The following OSBPL5 variants were observed in gnomAD, a reference collection of about 807,000 sequenced individuals.
The protein encoded by OSBPL5 is oxysterol-binding protein-related protein 5.
Under a neutral mutation model 111.2 loss-of-function variants are expected in OSBPL5, and 71 were observed. That is an observed-to-expected ratio of 0.64 (90% CI 0.53 to 0.78). OSBPL5 has a LOEUF of 0.78. OSBPL5 is among the 30% of genes least tolerant of loss of function. The pLI is 0.00. For synonymous variants in OSBPL5, 549 were observed against 513.9 expected, an observed-to-expected ratio of 1.07 and a Z score of -0.93; for missense variants, 1,210 against 1,189.3, an observed-to-expected ratio of 1.02 and a Z score of -0.26.
chr11:3,139,871 C>T (rs1281640717), intron 1 of OSBPL5, among the ~76,000 whole-genome samples: 3 of 152,222 alleles, frequency 2.0e-5, no homozygotes, highest in African/African-American at 2.4e-5. Flanking sequence ...TGCGTTTACT[C>T]GCAGAGGCTG....
chr11:3,088,185 G>A lies in OSBPL5; in HGVS notation c.*20C>T, dbSNP rs767870881. On this transcript the variant is annotated 3_prime_UTR_variant, in exon 22 of 22. Coordinates refer to ENST00000263650, the MANE Select transcript of OSBPL5 (RefSeq NM_020896.4). ...GGAGGGAGGGCTCAGGACCGGCCAG[G>A]AGCTCTGCCCTCAGGGCTCCTATTT... 6.4e-7 allele frequency: 1 copy of A among 1,553,536 alleles called. No individual in the cohort carries two copies. Among genetic ancestry groups the A allele is most frequent in the Non-Finnish European group, 8.7e-7 (1 of 1,146,946 alleles).
rs765377864 is a variant in OSBPL5 at position 3,107,462 on chromosome 11, G to A, written c.867-7C>T. ...CAGGGAAGACCCGTTCAGTCTGGAA[G>A]GTGGATGGTGCCAGTGGGTCCCTGT... On this transcript the variant is annotated splice_region_variant and splice_polypyrimidine_tract_variant and intron_variant, in intron 8 of 21. Transcript: ENST00000263650. This position sits in a 1 kb window ranked among gnomAD's most constrained non-coding sequence, Gnocchi z 6.1. 5.0e-6 allele frequency: 8 copies of A among 1,613,838 alleles called. No individual in the cohort carries two copies. The highest frequency in any genetic ancestry group is 6.8e-6 in the Non-Finnish European group (8 of 1,179,856).
intron 14 of OSBPL5, among the ~76,000 whole-genome samples, chr11:3,098,597 C>T (rs148200198): frequency 3.4e-4 from 51 of 149,224 alleles, no homozygotes; most frequent in Admixed American, 1.8e-3. Context: ...CCTTCAACTC[C>T]CGGGTTCAAG....
At chr11:3,116,650 T>C (rs1369538505) in intron 7 of OSBPL5, among the ~76,000 whole-genome samples, 2 of 151,868 alleles carry the variant, frequency 1.3e-5, no homozygotes, top group African/African-American at 4.8e-5. Flanking sequence ...AGGTCAGGAG[T>C]TCGAGACCAG....
intron 21 of OSBPL5, 120 bp downstream of exon 21, chr11:3,089,726 C>T (rs895564): frequency 0.46 from 405,964 of 878,068 alleles, 98,782 homozygotes; most frequent in East Asian, 0.78. Context: ...CTTGTGGGTT[C>T]CAGCTCCGAT....
chr11:3,155,599 C>A (rs1236808935), intron 1 of OSBPL5, among the ~76,000 whole-genome samples: 1 of 149,510 alleles, frequency 6.7e-6, no homozygotes, highest in African/African-American at 2.5e-5. Context: ...TCACTCCCCC[C>A]AGCTTTGCCA....
chr11:3,102,140 T>C (rs1400744819), intron 12 of OSBPL5, 43 bp downstream of exon 12: 4 of 1,383,914 alleles, frequency 2.9e-6, no homozygotes, highest in East Asian at 2.7e-5. Context: ...CCCCGCCCCA[T>C]AGAGCCCAGC....
At position 3,100,262 on chromosome 11, in the gene OSBPL5, G is replaced by C; in HGVS notation, c.1523-6C>G. On this transcript the variant is annotated splice_region_variant and splice_polypyrimidine_tract_variant and intron_variant, in intron 13 of 21. Transcript: ENST00000263650. ...CAGCGCCGACAGCGAGTTCCCTGCA[G>C]AGACAAGAGACAGCAGGACCAGTGA... 1.9e-6 allele frequency: 3 copies of C among 1,613,590 alleles called. No individual in the cohort carries two copies. The highest frequency in any genetic ancestry group is 2.5e-6 in the Non-Finnish European group (3 of 1,179,756).
Position 3,092,359 on chromosome 11 carries a change from T to G in OSBPL5, c.2259+73A>C. On this transcript the variant is annotated intron_variant, in intron 19 of 21. Transcript: ENST00000263650. This position sits in a 1 kb window ranked among gnomAD's most constrained non-coding sequence, Gnocchi z 5.4. ...GAGCGAGGGGAAGGGAGGAGTGAGG[T>G]GAGGAGCGAGGGGTGGTGGTGGCCA... 1 of 1,470,224 alleles carries G rather than the reference T, an allele frequency of 6.8e-7. No homozygotes were observed. Among genetic ancestry groups the G allele is most frequent in the Non-Finnish European group, 9.0e-7 (1 of 1,105,340 alleles). 91.1% of individuals were successfully genotyped at this position (1,470,224 alleles called of 1,614,324 possible). A position where few individuals can be genotyped will look rare whatever the true frequency, so the allele number is the denominator to read the frequency against.
In OSBPL5 at chr11:3,104,469, A is replaced by C. The variant is rs1590653684; in HGVS notation, c.1060-92T>G. ...GGCAGCTCTGGCTGGAGGAGGCTGTACCTGCCACCCCTTAGGGTGTAAACC... is the reference window on the plus strand; with the variant it reads ...GGCAGCTCTGGCTGGAGGAGGCTGTCCCTGCCACCCCTTAGGGTGTAAACC... On this transcript the variant is annotated intron_variant, in intron 9 of 21. Coordinates refer to ENST00000263650, the MANE Select transcript of OSBPL5 (RefSeq NM_020896.4). This position sits in a 1 kb window ranked among gnomAD's most constrained non-coding sequence, Gnocchi z 5.0. 5.7e-6 allele frequency: 8 copies of C among 1,401,606 alleles called. No homozygotes were observed. The highest frequency in any genetic ancestry group is 1.9e-6 in the Non-Finnish European group (2 of 1,037,194). The allele number at this position is 1,401,606 out of a possible 1,614,324, so 86.8% of individuals were successfully genotyped here. A position where few individuals can be genotyped will look rare whatever the true frequency, so the allele number is the denominator to read the frequency against.
intron 14 of OSBPL5, among the ~76,000 whole-genome samples, chr11:3,097,041 A>G (rs907193192): frequency 3.2e-3 from 3 of 942 alleles, no homozygotes; most frequent in Non-Finnish European, 7.9e-3. Context: ...GGAAAGAGGG[A>G]AGACAGGAGA....
intron 10 of OSBPL5, among the ~76,000 whole-genome samples, chr11:3,103,883 G>GT (rs1857599474): frequency 1.9e-5 from 1 of 53,802 alleles, no homozygotes; most frequent in Non-Finnish European, 3.6e-5. Flanking sequence ...TGCCTCTGTA[G>GT]CCCCATTCCT....
In OSBPL5 at chr11:3,094,187, G is replaced by C. The variant is rs199806320; in HGVS notation, c.1719+50C>G. 3.3e-5 allele frequency: 52 copies of C among 1,557,548 alleles called. 1 individual carries two copies. The South Asian group carries it at 4.6e-4, about 14-fold the overall frequency. ...GGAGAGTGTGAGGGGGATCCCCAAGGCTTCGTTCCTTCCCTGGCCTCGTCT... is the reference window on the plus strand; with the variant it reads ...GGAGAGTGTGAGGGGGATCCCCAAGCCTTCGTTCCTTCCCTGGCCTCGTCT... On this transcript the variant is annotated intron_variant, in intron 15 of 21. Transcript: ENST00000263650.
chr11:3,103,725 T>A (rs9735882), intron 10 of OSBPL5, among the ~76,000 whole-genome samples: 24,839 of 61,432 alleles, frequency 0.4, 3,892 homozygotes, highest in Non-Finnish European at 0.45. Context: ...CAGGCTCTGC[T>A]GCCCCTTCCT....
At chr11:3,103,776 CCT>C (rs1564830056) in intron 10 of OSBPL5, among the ~76,000 whole-genome samples, 13,546 of 82,308 alleles carry the variant, frequency 0.16, 1,033 homozygotes, top group Middle Eastern at 0.2. Flanking sequence ...CCCCTTCCAG[CCT>C]CTGCAGTCCC....
intron 1 of OSBPL5, among the ~76,000 whole-genome samples, chr11:3,151,115 A>G (rs1471830678): frequency 6.6e-6 from 1 of 152,122 alleles, no homozygotes; most frequent in African/African-American, 2.4e-5. Context: ...TGCCGTGAAG[A>G]CAGAGGCGGA....
chr11:3,150,071 C>A (rs1452511573), intron 1 of OSBPL5, among the ~76,000 whole-genome samples: 1 of 152,202 alleles, frequency 6.6e-6, no homozygotes, highest in Non-Finnish European at 1.5e-5. Flanking sequence ...TACACACACA[C>A]AGCAAATCAG....
At chr11:3,137,816 C>T (rs1238045661) in intron 1 of OSBPL5, among the ~76,000 whole-genome samples, 3 of 152,234 alleles carry the variant, frequency 2.0e-5, no homozygotes, top group Admixed American at 6.5e-5. Context: ...CACACACAAA[C>T]ACACTGGGAC....
At chr11:3,090,069 A>G in intron 20 of OSBPL5, 121 bp from the exon 21 acceptor site, 1 of 680,244 alleles carries the variant, frequency 1.5e-6, no homozygotes, top group Non-Finnish European at 2.4e-6. Context: ...ACCCCACCTC[A>G]TGGGAAACCT....
Sources: gnomAD v4.1 joint callset for allele counts (sites outside exome capture counted in the v4.1 genomes callset) on GRCh38, gnomAD v4.1.1 for gene constraint, Gnocchi (gnomAD v3.1) non-coding constraint, MANE v1.5 for transcripts, NCBI Gene and HGNC (gene_info 2026-07-23, HGNC 2026-07-21) for gene names.